The following DLG2 variants were observed in gnomAD, a reference collection of about 807,000 sequenced individuals.
DLG2 encodes discs large MAGUK scaffold protein 2, also known as disks large homolog 2.
A neutral mutation model predicts 132.5 loss-of-function variants in DLG2; 45 were observed. The ratio of observed to expected loss-of-function variants is 0.34; its 90% CI spans 0.27 to 0.44. The LOEUF (loss-of-function observed/expected upper bound fraction) is 0.44. DLG2 is among the 20% of genes least tolerant of loss of function. DLG2 has a pLI of 1.00. For missense variants in DLG2, 1,045 were observed against 1,196.9 expected, an observed-to-expected ratio of 0.87 and a Z score of 1.87; for synonymous variants, 424 against 419.6, an observed-to-expected ratio of 1.01 and a Z score of -0.13.
intron 15 of DLG2, among the ~76,000 whole-genome samples, chr11:83,895,800 A>G (rs1177739567): frequency 6.6e-6 from 1 of 152,194 alleles, no homozygotes; most frequent in Non-Finnish European, 1.5e-5. Flanking sequence ...TTTCCCACAT[A>G]GCAGTAAAGC....
chr11:84,951,706 C>T (rs1035363195), intron 6 of DLG2, among the ~76,000 whole-genome samples: 1 of 149,934 alleles, frequency 6.7e-6, no homozygotes, highest in African/African-American at 2.4e-5. Flanking sequence ...TATATATACA[C>T]ACACGTATAT....
At chr11:85,122,558 C>T (rs1006211305) in intron 5 of DLG2, among the ~76,000 whole-genome samples, 2 of 152,062 alleles carry the variant, frequency 1.3e-5, no homozygotes, top group African/African-American at 2.4e-5. Flanking sequence ...GGAAACAATG[C>T]AGACTTTATC....
chr11:84,046,248 C>A (rs1235628678), intron 11 of DLG2, among the ~76,000 whole-genome samples: 4 of 151,396 alleles, frequency 2.6e-5, no homozygotes, highest in Non-Finnish European at 4.4e-5. Flanking sequence ...TAGTTTGGTG[C>A]AAAAGTAATT....
intron 6 of DLG2, among the ~76,000 whole-genome samples, chr11:85,054,147 C>A (rs2063205492): frequency 1.3e-5 from 2 of 151,722 alleles, no homozygotes; most frequent in South Asian, 2.1e-4. Flanking sequence ...TGCCTGTAAC[C>A]CCAGATACTG....
chr11:85,006,973 C>T (rs927289354), intron 6 of DLG2, among the ~76,000 whole-genome samples: 14 of 152,094 alleles, frequency 9.2e-5, no homozygotes, highest in Non-Finnish European at 2.1e-4. Flanking sequence ...AGCCCATCTC[C>T]ATAATATTTT....
intron 3 of DLG2, among the ~76,000 whole-genome samples, chr11:85,533,839 A>G (rs2153194932): frequency 6.6e-6 from 1 of 152,344 alleles, no homozygotes; most frequent in Admixed American, 6.5e-5. Flanking sequence ...AGCCTCCACA[A>G]GTTTATACAG....
intron 6 of DLG2, among the ~76,000 whole-genome samples, chr11:84,957,147 G>T (rs2051804640): frequency 6.6e-6 from 1 of 152,132 alleles, no homozygotes; most frequent in Non-Finnish European, 1.5e-5. Flanking sequence ...TGAACTTAAA[G>T]ATAAAATGGT....
At chr11:84,585,960 G>A (rs751927828) in intron 6 of DLG2, among the ~76,000 whole-genome samples, 1 of 152,068 alleles carries the variant, frequency 6.6e-6, no homozygotes, top group Non-Finnish European at 1.5e-5. Flanking sequence ...GAGACCAGCC[G>A]GGCAACATGG....
Position 84,205,975 on chromosome 11 carries a change from C to T in DLG2, c.574-42464G>A, listed in dbSNP as rs564294136. The stretch of plus-strand genomic sequence containing the variant: ...TTTTAAAGACAGATGGCATCAATTC[C>T]AATATCAGGAATAAAGGGAGAACAT... On this transcript the variant is annotated intron_variant, in intron 8 of 27. Transcript: ENST00000376104. Among the ~76,000 whole-genome samples, 10 of 151,922 alleles carry T rather than the reference C, an allele frequency of 6.6e-5. No homozygotes were observed. The South Asian group carries it at 1.9e-3, about 28-fold the overall frequency.
At chr11:85,194,310 G>A (rs1431109971) in intron 4 of DLG2, among the ~76,000 whole-genome samples, 2 of 152,082 alleles carry the variant, frequency 1.3e-5, no homozygotes, top group African/African-American at 2.4e-5. Context: ...ATCTTAGTGG[G>A]GGAAAGAGTA....
intron 6 of DLG2, among the ~76,000 whole-genome samples, chr11:85,059,465 G>T (rs193140049): frequency 1.2e-3 from 176 of 151,700 alleles, no homozygotes; most frequent in African/African-American, 4.1e-3. Context: ...GTTCTTACCA[G>T]ATTTAGTCAT....
At chr11:85,199,505 G>C (rs1335966544) in intron 4 of DLG2, among the ~76,000 whole-genome samples, 1 of 152,126 alleles carries the variant, frequency 6.6e-6, no homozygotes, top group Admixed American at 6.5e-5. Flanking sequence ...AAGCACTTAA[G>C]GTCTATGCGT....
At chr11:85,317,845 A>G (rs544395119) in intron 3 of DLG2, among the ~76,000 whole-genome samples, 2 of 151,826 alleles carry the variant, frequency 1.3e-5, no homozygotes, top group South Asian at 4.2e-4. Flanking sequence ...TATCTATATA[A>G]CAATCCCCAT....
At chr11:83,755,050 T>C (rs1383626708) in intron 18 of DLG2, among the ~76,000 whole-genome samples, 2 of 151,396 alleles carry the variant, frequency 1.3e-5, no homozygotes, top group African/African-American at 4.9e-5. Context: ...TTTAAATGAA[T>C]GTTGCCTATC....
chr11:84,821,232 C>T (rs1421274241), intron 6 of DLG2, among the ~76,000 whole-genome samples: 1 of 151,774 alleles, frequency 6.6e-6, no homozygotes, highest in Non-Finnish European at 1.5e-5. Flanking sequence ...CAAAGACAGA[C>T]CACTTTCACT....
At chr11:83,882,466 C>T (rs1565478818) in intron 15 of DLG2, among the ~76,000 whole-genome samples, 1 of 152,034 alleles carries the variant, frequency 6.6e-6, no homozygotes, top group African/African-American at 2.4e-5. Context: ...ATTTAGAGCC[C>T]CCAATTTTTC....
At chr11:84,941,241 A>T (rs189631929) in intron 6 of DLG2, among the ~76,000 whole-genome samples, 1 of 152,180 alleles carries the variant, frequency 6.6e-6, no homozygotes, top group Non-Finnish European at 1.5e-5. Flanking sequence ...AATTTTTAAG[A>T]TTGTTTTAGC....
Position 84,487,420 on chromosome 11 carries a change from G to C in DLG2, c.519+47150C>G, listed in dbSNP as rs184483195. Among the ~76,000 whole-genome samples, 285 of 152,114 alleles carry C rather than the reference G, an allele frequency of 1.9e-3. 1 individual carries two copies. Among genetic ancestry groups the C allele is most frequent in the African/African-American group, 6.4e-3 (264 of 41,520 alleles). On this transcript the variant is annotated intron_variant, in intron 7 of 27. Coordinates refer to ENST00000376104, the MANE Select transcript of DLG2 (RefSeq NM_001142699.3). Reference sequence around the variant, plus strand: ...TGGCATAAAAATCTCAAAAAGAATAGAGTAACAGAAAAATCTCTCTGGGTA... The same window carrying C: ...TGGCATAAAAATCTCAAAAAGAATACAGTAACAGAAAAATCTCTCTGGGTA...
intron 4 of DLG2, among the ~76,000 whole-genome samples, chr11:85,173,224 G>A (rs1011677988): frequency 2.0e-5 from 3 of 152,178 alleles, no homozygotes; most frequent in Non-Finnish European, 4.4e-5. Context: ...CAGCCAGAGA[G>A]AAAGGCCAGG....
Sources: gnomAD v4.1 joint callset for allele counts (sites outside exome capture counted in the v4.1 genomes callset) on GRCh38, gnomAD v4.1.1 for gene constraint, MANE v1.5 for transcripts, NCBI Gene and HGNC (gene_info 2026-07-23, HGNC 2026-07-21) for gene names.